The following TENM2 variants were observed in gnomAD, a reference collection of about 807,000 sequenced individuals.
TENM2 encodes teneurin-2.
Under a neutral mutation model 245.2 loss-of-function variants are expected in TENM2, and 52 were observed. That is an observed-to-expected ratio of 0.21 (90% CI 0.17 to 0.27). The LOEUF is 0.27. Ranked by LOEUF, TENM2 falls within the 10% of genes least tolerant of loss-of-function variation. TENM2 has a pLI of 1.00. For missense variants in TENM2, 3,046 were observed against 3,666.8 expected (o/e 0.83, Z 4.37); for synonymous variants, 1,363 against 1,438.9 (o/e 0.95, Z 1.19).
chr5:167,172,196 TG>T, the TENM2 span, among the ~76,000 whole-genome samples: 1 of 152,196 alleles, frequency 6.6e-6, no homozygotes, highest in African/African-American at 2.4e-5. Context: ...TATGCAATAC[TG>T]GGTCCAAAAT....
chr5:167,467,606 T>C (rs1404083689), intron 2 of TENM2, among the ~76,000 whole-genome samples: 5 of 152,050 alleles, frequency 3.3e-5, no homozygotes, highest in African/African-American at 1.2e-4. Context: ...CCCTTCTAAA[T>C]TTCACGAACC....
chr5:168,146,018 G>T (rs1284066720), intron 12 of TENM2, among the ~76,000 whole-genome samples: 1 of 146,162 alleles, frequency 6.8e-6, no homozygotes, highest in East Asian at 2.0e-4. Context: ...TGTGATTTTT[G>T]TACATTGATT....
chr5:168,220,532 CT>C (rs1763578070), intron 23 of TENM2, among the ~76,000 whole-genome samples: 1 of 152,246 alleles, frequency 6.6e-6, no homozygotes, highest in South Asian at 2.1e-4. Flanking sequence ...ATAAGCTGCC[CT>C]TTTTTTCATA....
At chr5:167,874,559 G>A (rs1352319192) in intron 2 of TENM2, among the ~76,000 whole-genome samples, 4 of 152,178 alleles carry the variant, frequency 2.6e-5, no homozygotes, top group African/African-American at 9.6e-5. Flanking sequence ...TCAATGTTCT[G>A]TCCTTCCTTC....
At position 168,067,062 on chromosome 5, in the gene TENM2, G is replaced by A. The variant is rs117307667; in HGVS notation, c.1515+4797G>A. ...TGGCAGATTAGGTACATGATTAACCGGAGACAACAAGATGCAGTTACCACT... is the reference window on the plus strand; with the variant it reads ...TGGCAGATTAGGTACATGATTAACCAGAGACAACAAGATGCAGTTACCACT... On this transcript the variant is annotated intron_variant, in intron 7 of 28. Transcript: ENST00000518659. Among the ~76,000 whole-genome samples the A allele has an allele frequency of 1.3e-3, 205 of 152,252 alleles. 1 individual carries two copies. In the East Asian group the frequency reaches 0.018, roughly 13 times the overall value.
the TENM2 span, among the ~76,000 whole-genome samples, chr5:167,250,622 A>G: frequency 9.9e-5 from 15 of 152,154 alleles, no homozygotes; most frequent in Non-Finnish European, 2.1e-4. Flanking sequence ...CAGGTATTAC[A>G]AACTCTTGCT....
Position 167,980,837 on chromosome 5 carries a change from A to G in TENM2, c.948-12107A>G, listed in dbSNP as rs73801474. ...TGTGTTGGAGGCAAAGAGGAAATCA[A>G]CTGATGATGGATTGGGTGTGAGAGA... On this transcript the variant is annotated intron_variant, in intron 4 of 28. Coordinates refer to ENST00000518659, the Ensembl canonical transcript of TENM2. Among the ~76,000 whole-genome samples, 411 of 152,220 alleles carry G rather than the reference A, an allele frequency of 2.7e-3. 2 individuals carry two copies. The highest frequency in any genetic ancestry group is 9.2e-3 in the African/African-American group (380 of 41,520).
intron 4 of TENM2, chr5:167,965,051 A>C (rs1312706808): frequency 6.6e-6 from 1 of 152,164 alleles, no homozygotes; most frequent in Non-Finnish European, 1.5e-5. Context: ...TTAAGATAAA[A>C]AGTGGCATGC....
At chr5:167,462,174 G>A (rs1766337711) in intron 2 of TENM2, among the ~76,000 whole-genome samples, 1 of 58,932 alleles carries the variant, frequency 1.7e-5, no homozygotes, top group Non-Finnish European at 3.4e-5. Flanking sequence ...AGAGTTCCCT[G>A]ACCCCCACCC....
intron 2 of TENM2, among the ~76,000 whole-genome samples, chr5:167,546,504 C>T (rs1382927457): frequency 1.3e-5 from 2 of 152,244 alleles, no homozygotes; most frequent in East Asian, 1.9e-4. Context: ...GACCTCCCCT[C>T]GATGACTAAC....
the TENM2 span, among the ~76,000 whole-genome samples, chr5:167,002,499 A>G: frequency 6.6e-6 from 1 of 152,060 alleles, no homozygotes; most frequent in African/African-American, 2.4e-5. Context: ...TAGCCATTCA[A>G]AATCTGTTAA....
At chr5:167,113,134 C>T in the TENM2 span, among the ~76,000 whole-genome samples, 72 of 152,162 alleles carry the variant, frequency 4.7e-4, no homozygotes, top group East Asian at 0.011. Flanking sequence ...CAGGTCACTG[C>T]CCGGGAGTTG....
intron 2 of TENM2, among the ~76,000 whole-genome samples, chr5:167,456,643 TC>T (rs1321554776): frequency 6.6e-6 from 1 of 152,208 alleles, no homozygotes; most frequent in Non-Finnish European, 1.5e-5. Flanking sequence ...TCAGAGTATT[TC>T]TTTTTACACA....
the TENM2 span, among the ~76,000 whole-genome samples, chr5:167,002,649 C>CA: frequency 6.7e-6 from 1 of 148,830 alleles, no homozygotes; most frequent in Non-Finnish European, 1.5e-5. Context: ...TGCAAAAAGA[C>CA]AAAAAAACCA....
intron 9 of TENM2, among the ~76,000 whole-genome samples, chr5:168,106,420 A>T (rs1016499358): frequency 9.2e-5 from 14 of 152,204 alleles, no homozygotes. Context: ...CGTGCTGAAC[A>T]ACTACATAAT....
chr5:167,698,683 T>G (rs977497412), intron 2 of TENM2, among the ~76,000 whole-genome samples: 60 of 132,766 alleles, frequency 4.5e-4, no homozygotes, highest in Non-Finnish European at 8.7e-4. Context: ...TTTTTTGTTT[T>G]TTTTTTTTTT....
At chr5:168,024,367 C>A (rs1786424376) in intron 5 of TENM2, among the ~76,000 whole-genome samples, 1 of 152,170 alleles carries the variant, frequency 6.6e-6, no homozygotes, top group Non-Finnish European at 1.5e-5. Flanking sequence ...ACTCAAGGGC[C>A]AGCCATGAAA....
chr5:167,459,703 T>G (rs572348496), intron 2 of TENM2, among the ~76,000 whole-genome samples: 3 of 152,312 alleles, frequency 2.0e-5, no homozygotes, highest in Admixed American at 1.3e-4. Flanking sequence ...AAAATTTTCT[T>G]TAAAGTAGCC....
the TENM2 span, among the ~76,000 whole-genome samples, chr5:167,069,621 A>G: frequency 6.6e-6 from 1 of 152,176 alleles, no homozygotes; most frequent in Non-Finnish European, 1.5e-5. Context: ...GCATTGTCCT[A>G]CTTATGCACA....
Sources: gnomAD v4.1 joint callset for allele counts (sites outside exome capture counted in the v4.1 genomes callset) on GRCh38, gnomAD v4.1.1 for gene constraint, MANE v1.5 for transcripts, NCBI Gene and HGNC (gene_info 2026-07-23, HGNC 2026-07-21) for gene names.